Variants in DAOA observed in about 807,000 individuals in gnomAD.
DAOA encodes the protein D-amino acid oxidase activator, also known as D-amino acid oxidase regulator.
In DAOA, 15 loss-of-function variants were observed where a neutral mutation model predicts 16.4. The ratio of observed to expected loss-of-function variants is 0.91; its 90% confidence interval spans 0.61 to 1.41. The LOEUF (loss-of-function observed/expected upper bound fraction) is 1.41. DAOA is among the 40% of genes most tolerant of loss of function. The pLI, the probability that DAOA is intolerant of heterozygous loss-of-function variation, is 0.00. For missense variants in DAOA, 230 were observed against 176.8 expected (o/e 1.30, Z -1.71); for synonymous variants, 75 against 59.1 (o/e 1.27, Z -1.23).
chr13:105,471,936 C>T (rs927977574), intron 3 of DAOA, among the ~76,000 whole-genome samples: 1 of 152,162 alleles, frequency 6.6e-6, no homozygotes, highest in Non-Finnish European at 1.5e-5. Context: ...CAACTTTTTC[C>T]CACATTCACT....
At chr13:105,487,219 C>T (rs558861245) in intron 4 of DAOA, among the ~76,000 whole-genome samples, 1 of 152,140 alleles carries the variant, frequency 6.6e-6, no homozygotes, top group African/African-American at 2.4e-5. Context: ...GCACACGAAC[C>T]AAATCAGTCA....
At chr13:105,487,453 T>G (rs1459280297) in intron 4 of DAOA, among the ~76,000 whole-genome samples, 3 of 152,180 alleles carry the variant, frequency 2.0e-5, no homozygotes, top group Non-Finnish European at 4.4e-5. Context: ...GGCAAACACT[T>G]TTAACATTCC....
At chr13:105,467,915 C>T (rs1377347833) in intron 3 of DAOA, among the ~76,000 whole-genome samples, 1 of 152,136 alleles carries the variant, frequency 6.6e-6, no homozygotes, top group Non-Finnish European at 1.5e-5. Flanking sequence ...TTTCATAGTT[C>T]TCATCAGGCT....
At chr13:105,472,453 G>C in intron 3 of DAOA, 85 bp from the exon 4 acceptor site, 1 of 1,434,760 alleles carries the variant, frequency 7.0e-7, no homozygotes, top group Non-Finnish European at 9.2e-7. Context: ...TCCTACAATC[G>C]CTCCACAGTC....
At chr13:105,469,896 T>C (rs1876803299) in intron 3 of DAOA, among the ~76,000 whole-genome samples, 2 of 152,204 alleles carry the variant, frequency 1.3e-5, no homozygotes, top group Admixed American at 6.5e-5. Flanking sequence ...TCTCAGTCTC[T>C]ATTGAATGCA....
chr13:105,474,159 T>C (rs1877182487), intron 4 of DAOA, among the ~76,000 whole-genome samples: 1 of 152,112 alleles, frequency 6.6e-6, no homozygotes, highest in South Asian at 2.1e-4. Context: ...GTAATGAAAT[T>C]ATTTATTTAT....
chr13:105,486,651 T>C (rs1388891562), intron 4 of DAOA, among the ~76,000 whole-genome samples: 1 of 151,436 alleles, frequency 6.6e-6, no homozygotes, highest in Non-Finnish European at 1.5e-5. Context: ...AGAGTTTCAC[T>C]CTTGTTGCCC....
intron 4 of DAOA, among the ~76,000 whole-genome samples, chr13:105,481,894 T>G (rs1877772869): frequency 6.6e-6 from 1 of 152,204 alleles, no homozygotes; most frequent in African/African-American, 2.4e-5. Flanking sequence ...ATTAGTCTGT[T>G]CTCACACTGC....
chr13:105,486,410 C>G (rs1029041266), intron 4 of DAOA, among the ~76,000 whole-genome samples: 13 of 152,068 alleles, frequency 8.5e-5, no homozygotes, highest in African/African-American at 3.1e-4. Context: ...AGAAACCTCT[C>G]CAGAATATCT....
chr13:105,469,501 T>C (rs1439728458), intron 3 of DAOA, among the ~76,000 whole-genome samples: 1 of 152,240 alleles, frequency 6.6e-6, no homozygotes, highest in Non-Finnish European at 1.5e-5. Context: ...TAAACATTTC[T>C]GACACATAGA....
chr13:105,474,937 T>A lies in DAOA; in HGVS notation c.281+2252T>A, dbSNP rs926049942. ...ATCTGAAATTAAGCAGAAGATTGTA[T>A]TTCCCGTTCTGAACGAACATTCACC... On this transcript the variant is annotated intron_variant, in intron 4 of 5. Coordinates refer to ENST00000375936, the MANE Select transcript of DAOA (RefSeq NM_172370.5). 16 of 781,004 alleles carry A rather than the reference T, an allele frequency of 2.0e-5. No individual in the cohort carries two copies. In the African/African-American group the frequency reaches 2.8e-4, roughly 14 times the overall value. 48.4% of individuals were successfully genotyped at this position (781,004 alleles called of 1,614,324 possible). A position where few individuals can be genotyped will look rare whatever the true frequency, so the allele number is the denominator to read the frequency against.
At chr13:105,476,410 T>G (rs375573245) in intron 4 of DAOA, among the ~76,000 whole-genome samples, 25 of 151,682 alleles carry the variant, frequency 1.6e-4, no homozygotes, top group East Asian at 7.7e-4. Context: ...TTAACAATTT[T>G]CACCCAGAGG....
intron 4 of DAOA, among the ~76,000 whole-genome samples, chr13:105,478,695 C>T (rs1877508016): frequency 1.3e-5 from 2 of 152,132 alleles, no homozygotes; most frequent in South Asian, 4.1e-4. Flanking sequence ...ATCTTGACTC[C>T]AACTGTATTG....
In DAOA at chr13:105,480,519, GATAGATAC is replaced by G. The variant is rs1335116007; in HGVS notation, c.281+7842_281+7849del. ...AGATACATAGATGGATGGATGGATG[GATAGATAC>G]ATAGATAGATAGATAGATAGATAGA... On this transcript the variant is annotated intron_variant, in intron 4 of 5. Transcript: ENST00000375936. 2.5e-4 allele frequency among the ~76,000 whole-genome samples: 35 copies of G among 140,702 alleles called. 1 individual carries two copies. Among genetic ancestry groups the G allele is most frequent in the African/African-American group, 8.5e-4 (32 of 37,602 alleles). The allele number at this position is 140,702 out of a possible 152,430, so 92.3% of individuals were successfully genotyped here.
At chr13:105,476,251 G>A (rs1877320659) in intron 4 of DAOA, among the ~76,000 whole-genome samples, 1 of 151,998 alleles carries the variant, frequency 6.6e-6, no homozygotes, top group African/African-American at 2.4e-5. Flanking sequence ...ATTAGCCTGG[G>A]AACATCCAGG....
chr13:105,473,543 G>A lies in DAOA; in HGVS notation c.281+858G>A, dbSNP rs954552950. The stretch of plus-strand genomic sequence containing the variant: ...ATGTTGACTTTCATGTTTTATCTGA[G>A]GCTATTTAAATTTGTCATTTACCAT... On this transcript the variant is annotated intron_variant, in intron 4 of 5. Coordinates refer to ENST00000375936, the MANE Select transcript of DAOA (RefSeq NM_172370.5). Among the ~76,000 whole-genome samples, 8 of 151,992 alleles carry A rather than the reference G, an allele frequency of 5.3e-5. No homozygotes were observed. In the East Asian group the frequency reaches 1.4e-3, roughly 26 times the overall value.
rs1878476467 is a variant in DAOA at position 105,490,965 on chromosome 13, C to T, written c.*165C>T. The T allele has an allele frequency of 6.6e-6, 1 of 152,122 alleles. No homozygotes were observed. Among genetic ancestry groups the T allele is most frequent in the African/African-American group, 2.4e-5 (1 of 41,532 alleles). The allele number at this position is 152,122 out of a possible 1,614,324, so 9.4% of individuals were successfully genotyped here. On this transcript the variant is annotated 3_prime_UTR_variant, in exon 6 of 6. Transcript: ENST00000375936. ...GTCAGTAAGTGATAAAATGCCATTT[C>T]TATGCACCCACCTGGCCTGTGTGAC... is the stretch of plus-strand genomic sequence containing the variant.
chr13:105,469,836 AT>A (rs1876799311), intron 3 of DAOA, among the ~76,000 whole-genome samples: 2 of 152,316 alleles, frequency 1.3e-5, no homozygotes, highest in East Asian at 3.9e-4. Context: ...TACTTTCATC[AT>A]ATTTCCAAAC....
intron 4 of DAOA, among the ~76,000 whole-genome samples, chr13:105,474,175 A>C (rs1486607549): frequency 1.3e-5 from 2 of 152,082 alleles, no homozygotes; most frequent in Non-Finnish European, 2.9e-5. Context: ...TTTATACTGA[A>C]TGAATCTTTG....
Sources: allele counts gnomAD v4.1 joint callset (sites outside exome capture counted in the v4.1 genomes callset), GRCh38; gene constraint gnomAD v4.1.1; transcripts MANE v1.5; gene names NCBI Gene and HGNC (gene_info 2026-07-23, HGNC 2026-07-21).